CENPW: variants seen among roughly 807,000 people sequenced by gnomAD.
CENPW encodes the protein centromere protein W.
A neutral mutation model predicts 11.1 loss-of-function variants in CENPW; 3 were observed. The observed-to-expected ratio is 0.27, with a 90% CI of 0.12 to 0.70. CENPW has a LOEUF of 0.70. Ranked by LOEUF, CENPW falls within the 30% of genes least tolerant of loss-of-function variation. CENPW has a pLI of 0.77. For missense variants in CENPW, 100 were observed against 105.6 expected (o/e 0.95, Z 0.23); for synonymous variants, 38 against 42.0 (o/e 0.91, Z 0.37).
At chr6:126,395,182 T>TA in the CENPW span, among the ~76,000 whole-genome samples, 1 of 152,300 alleles carries the variant, frequency 6.6e-6, no homozygotes, top group East Asian at 1.9e-4. Flanking sequence ...CTTTTGAGGC[T>TA]ATTTTCTAGA....
the CENPW span, among the ~76,000 whole-genome samples, chr6:126,433,539 A>G: frequency 6.6e-6 from 1 of 152,182 alleles, no homozygotes; most frequent in Non-Finnish European, 1.5e-5. Flanking sequence ...CAGCTTTTTC[A>G]TTGCTTTTCA....
chr6:126,420,973 A>G, the CENPW span, among the ~76,000 whole-genome samples: 1 of 152,256 alleles, frequency 6.6e-6, no homozygotes, highest in South Asian at 2.1e-4. Flanking sequence ...TGGGAATTAT[A>G]TATGATCAAG....
chr6:126,353,501 T>A (rs1487532894), downstream of CENPW, among the ~76,000 whole-genome samples: 1 of 152,028 alleles, frequency 6.6e-6, no homozygotes, highest in Admixed American at 6.6e-5. Context: ...TAAAGGTTTT[T>A]CTTTCTGGTT....
the CENPW span, among the ~76,000 whole-genome samples, chr6:126,469,444 A>G: frequency 6.6e-6 from 1 of 152,210 alleles, no homozygotes; most frequent in Admixed American, 6.5e-5. Flanking sequence ...TAAATTATCC[A>G]GTCTCAAGTA....
At chr6:126,439,404 C>T in the CENPW span, among the ~76,000 whole-genome samples, 1 of 151,558 alleles carries the variant, frequency 6.6e-6, no homozygotes, top group Non-Finnish European at 1.5e-5. Context: ...TTGGTTATTG[C>T]CTCTGACATT....
At chr6:126,445,733 T>A in the CENPW span, among the ~76,000 whole-genome samples, 2 of 151,192 alleles carry the variant, frequency 1.3e-5, no homozygotes, top group Non-Finnish European at 3.0e-5. Context: ...AAAAACACAT[T>A]AAAATTGATT....
the CENPW span, among the ~76,000 whole-genome samples, chr6:126,455,690 C>T: frequency 6.6e-6 from 1 of 151,134 alleles, no homozygotes; most frequent in East Asian, 1.9e-4. Context: ...CACCACTCCT[C>T]TTCAACATAG....
the CENPW span, among the ~76,000 whole-genome samples, chr6:126,383,868 G>A: frequency 1.3e-5 from 2 of 152,080 alleles, no homozygotes; most frequent in East Asian, 3.9e-4. Context: ...AGGTCATCAA[G>A]GTAGAAAATT....
chr6:126,362,214 T>G, the CENPW span, among the ~76,000 whole-genome samples: 4 of 152,172 alleles, frequency 2.6e-5, no homozygotes, highest in Admixed American at 6.5e-5. Context: ...GATGACATGC[T>G]GTGGGAGTGA....
the CENPW span, among the ~76,000 whole-genome samples, chr6:126,406,678 C>T: frequency 6.6e-6 from 1 of 151,892 alleles, no homozygotes; most frequent in African/African-American, 2.4e-5. Flanking sequence ...ATGGTGAAAC[C>T]CCGTCTCTAC....
At chr6:126,460,470 T>C in the CENPW span, among the ~76,000 whole-genome samples, 21 of 151,708 alleles carry the variant, frequency 1.4e-4, no homozygotes, top group Admixed American at 6.6e-4. Flanking sequence ...GAGCATTCTA[T>C]CTTTTTAGCC....
At chr6:126,465,022 C>A in the CENPW span, among the ~76,000 whole-genome samples, 5 of 151,240 alleles carry the variant, frequency 3.3e-5, no homozygotes, top group East Asian at 1.9e-4. Flanking sequence ...TACAATCAGG[C>A]GAGAAAAAGA....
chr6:126,476,135 A>G, the CENPW span, among the ~76,000 whole-genome samples: 1 of 151,038 alleles, frequency 6.6e-6, no homozygotes, highest in Admixed American at 6.6e-5. Flanking sequence ...CATAGCCTCC[A>G]CTCTTTCTAC....
the CENPW span, among the ~76,000 whole-genome samples, chr6:126,440,141 A>T: frequency 6.6e-6 from 1 of 151,722 alleles, no homozygotes; most frequent in African/African-American, 2.4e-5. Context: ...ACATGTATGT[A>T]GGTATGGCTG....
the CENPW span, among the ~76,000 whole-genome samples, chr6:126,367,880 C>CT: frequency 6.6e-6 from 1 of 152,170 alleles, no homozygotes; most frequent in African/African-American, 2.4e-5. Flanking sequence ...TGTTTAGTGT[C>CT]TAAGTCAGTT....
At chr6:126,437,087 G>C in the CENPW span, among the ~76,000 whole-genome samples, 30 of 151,630 alleles carry the variant, frequency 2.0e-4, no homozygotes, top group South Asian at 5.8e-3. Flanking sequence ...CTGTATATGA[G>C]TAATTTAAAA....
chr6:126,377,563 A>G, the CENPW span, among the ~76,000 whole-genome samples: 7 of 152,202 alleles, frequency 4.6e-5, no homozygotes, highest in Non-Finnish European at 8.8e-5. Context: ...TGATAGTTAA[A>G]TGCCTTGTTA....
the CENPW span, among the ~76,000 whole-genome samples, chr6:126,462,532 T>TCACA: frequency 5.6e-3 from 622 of 111,906 alleles, 8 homozygotes; most frequent in African/African-American, 0.018. Context: ...TCTCTCTCTC[T>TCACA]CACACACACA....
the CENPW span, among the ~76,000 whole-genome samples, chr6:126,461,141 G>C: frequency 6.6e-6 from 1 of 151,776 alleles, no homozygotes; most frequent in Non-Finnish European, 1.5e-5. Context: ...TAATTACCAC[G>C]TGTTGTGGGA....
Sources: gnomAD v4.1 joint callset for allele counts (sites outside exome capture counted in the v4.1 genomes callset) on GRCh38, gnomAD v4.1.1 for gene constraint, MANE v1.5 for transcripts, NCBI Gene and HGNC (gene_info 2026-07-23, HGNC 2026-07-21) for gene names.